Variants in FBXO45 observed in about 807,000 individuals in gnomAD.
The protein encoded by FBXO45 is F-box protein 45.
In FBXO45, 3 loss-of-function variants were observed where a neutral mutation model predicts 25.5. The observed-to-expected ratio is 0.12, with a 90% CI of 0.05 to 0.30. The LOEUF (loss-of-function observed/expected upper bound fraction) is 0.30, where lower values mean the gene tolerates loss of function less well. Among genes scored for constraint, FBXO45 ranks in the 10% least tolerant of loss-of-function variants. The probability of loss-of-function intolerance (pLI) is 1.00; values close to 1 mark genes in which losing one functional copy is unlikely to be tolerated. For missense variants in FBXO45, 219 were observed against 365.0 expected (o/e 0.60, Z 3.26); for synonymous variants, 155 against 149.8 (o/e 1.03, Z -0.25).
Position 196,569,364 on chromosome 3 carries a change from T to C in FBXO45, c.318+62T>C. 7.0e-7 allele frequency: 1 copy of C among 1,423,858 alleles called. No individual in the cohort carries two copies. The highest frequency in any genetic ancestry group is 9.4e-7 in the Non-Finnish European group (1 of 1,067,476). 88.2% of individuals were successfully genotyped at this position (1,423,858 alleles called of 1,614,324 possible). On this transcript the variant is annotated intron_variant, in intron 1 of 2. Coordinates refer to ENST00000311630, the MANE Select transcript of FBXO45 (RefSeq NM_001105573.2). This position sits in a 1 kb window ranked among gnomAD's most constrained non-coding sequence, Gnocchi z 4.1. ...CCGCTCCCCGGCGTCGTTCGCGGTG[T>C]TTCTCATCCGAGCTTCTGAGTCAGA...
intron 1 of FBXO45, among the ~76,000 whole-genome samples, chr3:196,573,938 CTTTTTTTTT>C (rs34587292): frequency 8.0e-6 from 1 of 125,768 alleles, no homozygotes; most frequent in Non-Finnish European, 1.6e-5. Flanking sequence ...CTTTATTTTC[CTTTTTTTTT>C]TTTTTTTTGA....
Position 196,588,381 on chromosome 3 carries a change from G to A in FBXO45, c.*4063G>A, listed in dbSNP as rs968812614. The A allele has an allele frequency of 6.6e-6, 1 of 152,144 alleles. No homozygotes were observed. 9.4% of individuals were successfully genotyped at this position (152,144 alleles called of 1,614,324 possible). A position where few individuals can be genotyped will look rare whatever the true frequency, so the allele number is the denominator to read the frequency against. ...GGCCAGAAATTTAAGGAGTTTTAAA[G>A]GTTAGCATTGAAAAGATTACTTTCC... On this transcript the variant is annotated 3_prime_UTR_variant, in exon 3 of 3. Transcript: ENST00000311630. The surrounding 1 kb of genome is among the most constrained non-coding windows in gnomAD (Gnocchi z 4.2).
chr3:196,580,158 C>A (rs1235880824), intron 2 of FBXO45, among the ~76,000 whole-genome samples: 1 of 151,006 alleles, frequency 6.6e-6, no homozygotes, highest in African/African-American at 2.4e-5. Flanking sequence ...AAACCACGCC[C>A]GGCTAATTTA....
At chr3:196,581,476 G>A (rs560089468) in intron 2 of FBXO45, among the ~76,000 whole-genome samples, 28 of 151,974 alleles carry the variant, frequency 1.8e-4, no homozygotes, top group Admixed American at 4.6e-4. Flanking sequence ...TGATCCGCCC[G>A]CCTCGGCCTC....
rs189846848 is a variant in FBXO45 at position 196,575,861 on chromosome 3, A to C, written c.319-1592A>C. 2.0e-5 allele frequency among the ~76,000 whole-genome samples: 3 copies of C among 152,010 alleles called. No homozygotes were observed. In the East Asian group the frequency reaches 5.8e-4, roughly 29 times the overall value. On this transcript the variant is annotated intron_variant, in intron 1 of 2. Coordinates refer to ENST00000311630, the MANE Select transcript of FBXO45 (RefSeq NM_001105573.2). ...CCAGCTAATTTTTTGTATTTTTACT[A>C]GAGTTGGGGTTTCGCCATGTTGCCC... is the stretch of plus-strand genomic sequence containing the variant.
chr3:196,581,469 TC>T (rs1366114462), intron 2 of FBXO45, among the ~76,000 whole-genome samples: 1 of 152,008 alleles, frequency 6.6e-6, no homozygotes, highest in Admixed American at 6.6e-5. Flanking sequence ...GACCTCGTGA[TC>T]CGCCCGCCTC....
intron 2 of FBXO45, 142 bp from the exon 3 acceptor site, chr3:196,583,991 G>A: frequency 7.9e-6 from 6 of 763,130 alleles, no homozygotes; most frequent in Non-Finnish European, 1.2e-5. Context: ...GTTTCTTCCT[G>A]ACTAGAAAGC....
chr3:196,577,507 A>T lies in FBXO45; in HGVS notation c.373A>T (p.Ile125Phe), dbSNP rs1735934860. The T allele has an allele frequency of 6.2e-7, 1 of 1,613,836 alleles. No individual in the cohort carries two copies. The change falls in exon 2 of 3, where the codon ATT becomes TTT. Residue 125 changes from isoleucine to phenylalanine, a missense_variant. Coordinates refer to ENST00000311630, the MANE Select transcript of FBXO45 (RefSeq NM_001105573.2). ...STNDCSRNVY[I>F]KKNGFTLHRN... ...TAATGACTGCTCCAGGAATGTCTAC[A>T]TTAAGAAGAATGGCTTTACTTTACA...
At chr3:196,571,275 G>A (rs1192602129) in intron 1 of FBXO45, among the ~76,000 whole-genome samples, 2 of 152,160 alleles carry the variant, frequency 1.3e-5, no homozygotes, top group African/African-American at 2.4e-5. Context: ...CGCCCAGGCT[G>A]CAGTGCAGTG....
intron 2 of FBXO45, among the ~76,000 whole-genome samples, chr3:196,581,020 C>T (rs970863298): frequency 6.6e-6 from 1 of 152,120 alleles, no homozygotes; most frequent in Non-Finnish European, 1.5e-5. Flanking sequence ...CTCCTGAGCT[C>T]AAGCAGCTGC....
chr3:196,571,304 G>A lies in FBXO45; in HGVS notation c.318+2002G>A, dbSNP rs149700908. On this transcript the variant is annotated intron_variant, in intron 1 of 2. Coordinates refer to ENST00000311630, the MANE Select transcript of FBXO45 (RefSeq NM_001105573.2). ...TGCAGTGGCACAATCATAGCTCACT[G>A]CATCCTCGACCTCCTGAGCTCAAGG... Among the ~76,000 whole-genome samples, 1,003 of 152,238 alleles carry A rather than the reference G, an allele frequency of 6.6e-3. 13 individuals carry two copies. Among genetic ancestry groups the A allele is most frequent in the African/African-American group, 0.023 (964 of 41,530 alleles).
rs1351516061 is a variant in FBXO45 at position 196,589,042 on chromosome 3, TAAA to T, written c.*4727_*4729del. On this transcript the variant is annotated 3_prime_UTR_variant, in exon 3 of 3. Transcript: ENST00000311630. ...CTGTTGTTTTGCCTTAGTTTCTTAA[TAAA>T]AAGTTAAACATTAACCACCTGTGAT... 2 of 152,212 alleles carry T rather than the reference TAAA, an allele frequency of 1.3e-5. No homozygotes were observed. Among genetic ancestry groups the T allele is most frequent in the African/African-American group, 2.4e-5 (1 of 41,454 alleles). The allele number at this position is 152,212 out of a possible 1,614,324, so 9.4% of individuals were successfully genotyped here.
At chr3:196,570,494 C>T (rs1472625967) in intron 1 of FBXO45, among the ~76,000 whole-genome samples, 6 of 152,110 alleles carry the variant, frequency 3.9e-5, no homozygotes, top group African/African-American at 9.7e-5. Flanking sequence ...TCCTCGGCCT[C>T]CCAGAGTGCT....
Position 196,569,058 on chromosome 3 carries a change from G to A in FBXO45, c.74G>A (p.Gly25Asp). The A allele has an allele frequency of 1.7e-6, 2 of 1,173,138 alleles. No homozygotes were observed. Among genetic ancestry groups the A allele is most frequent in the Non-Finnish European group, 2.1e-6 (2 of 946,484 alleles). The allele number at this position is 1,173,138 out of a possible 1,614,324, so 72.7% of individuals were successfully genotyped here. A position where few individuals can be genotyped will look rare whatever the true frequency, so the allele number is the denominator to read the frequency against. The change falls in exon 1 of 3, where the codon GGC becomes GAC. Residue 25 changes from glycine to aspartate, a missense_variant. Physicochemically the swap from Gly to Asp is moderately conservative, Grantham distance 94. Around this residue, in one of 4 missense-constraint regions of FBXO45, gnomAD observed 138 missense variants for 157.3 expected, o/e 0.88. Transcript: ENST00000311630. The surrounding 1 kb of genome is among the most constrained non-coding windows in gnomAD (Gnocchi z 4.1). ...TGTAGCGGCGGCGGCGCGGGCGCGG[G>A]CGCGGGCTCGGGCTCTGGGGCCGCG... is the stretch of plus-strand genomic sequence containing the variant. ...AGCSGGGAGA[G>D]AGSGSGAAGA...
intron 1 of FBXO45, among the ~76,000 whole-genome samples, chr3:196,570,040 CCCG>C (rs566673420): frequency 2.2e-4 from 34 of 152,262 alleles, no homozygotes; most frequent in East Asian, 1.7e-3. Flanking sequence ...GCATATTCCG[CCCG>C]CCTTCATATA....
In FBXO45 at chr3:196,585,196, C is replaced by T. The variant is rs1366470517; in HGVS notation, c.*878C>T. The T allele has an allele frequency of 6.6e-6, 1 of 152,138 alleles. No individual in the cohort carries two copies. The highest frequency in any genetic ancestry group is 1.5e-5 in the Non-Finnish European group (1 of 68,028). The allele number at this position is 152,138 out of a possible 1,614,324, so 9.4% of individuals were successfully genotyped here. A position where few individuals can be genotyped will look rare whatever the true frequency, so the allele number is the denominator to read the frequency against. ...TTATACATATATCAGTAAGGATGAT[C>T]TCAACATAATAGTAATGTGTATCTT... On this transcript the variant is annotated 3_prime_UTR_variant, in exon 3 of 3. Transcript: ENST00000311630.
chr3:196,587,685 C>G lies in FBXO45; in HGVS notation c.*3367C>G, dbSNP rs1056186935. On this transcript the variant is annotated 3_prime_UTR_variant, in exon 3 of 3. Transcript: ENST00000311630. ...TACAGGTGTATGCCACTATACCCAG[C>G]TTTAACTTTTAAATCCCCAAACTAT... 3 of 152,104 alleles carry G rather than the reference C, an allele frequency of 2.0e-5. No individual in the cohort carries two copies. The highest frequency in any genetic ancestry group is 2.9e-5 in the Non-Finnish European group (2 of 68,022). 9.4% of individuals were successfully genotyped at this position (152,104 alleles called of 1,614,324 possible).
rs1018564682 is a variant in FBXO45 at position 196,586,117 on chromosome 3, G to T, written c.*1799G>T. On this transcript the variant is annotated 3_prime_UTR_variant, in exon 3 of 3. Coordinates refer to ENST00000311630, the MANE Select transcript of FBXO45 (RefSeq NM_001105573.2). ...TGTATTAGAGAATGTAGGTGGTATAGAAATTGATTTTTCTTGGTGTAGAAC... is the reference window on the plus strand; with the variant it reads ...TGTATTAGAGAATGTAGGTGGTATATAAATTGATTTTTCTTGGTGTAGAAC... 6.6e-6 allele frequency: 1 copy of T among 152,214 alleles called. No individual in the cohort carries two copies. Among genetic ancestry groups the T allele is most frequent in the African/African-American group, 2.4e-5 (1 of 41,464 alleles). 9.4% of individuals were successfully genotyped at this position (152,214 alleles called of 1,614,324 possible).
chr3:196,573,491 G>C (rs544722067), intron 1 of FBXO45, among the ~76,000 whole-genome samples: 2 of 152,144 alleles, frequency 1.3e-5, no homozygotes, highest in African/African-American at 2.4e-5. Context: ...AGAGGGCAGC[G>C]GTTAGTGCCT....
Sources: gnomAD v4.1 joint callset for allele counts (sites outside exome capture counted in the v4.1 genomes callset) on GRCh38, gnomAD v4.1.1 for gene constraint, gnomAD v4.1.1 regional missense constraint, Gnocchi (gnomAD v3.1) non-coding constraint, MANE v1.5 for transcripts, NCBI Gene and HGNC (gene_info 2026-07-23, HGNC 2026-07-21) for gene names.